ZMAT4: variants seen among roughly 807,000 people sequenced by gnomAD.
The protein encoded by ZMAT4 is zinc finger matrin-type protein 4.
Under a neutral mutation model 28.7 loss-of-function variants are expected in ZMAT4, and 17 were observed. The ratio of observed to expected loss-of-function variants is 0.59; its 90% confidence interval spans 0.41 to 0.89. ZMAT4 has a LOEUF of 0.89. Among genes scored for constraint, ZMAT4 ranks in the 40% least tolerant of loss-of-function variants. The probability of loss-of-function intolerance (pLI) is 0.00; values close to 1 mark genes in which losing one functional copy is unlikely to be tolerated. For synonymous variants in ZMAT4, 117 were observed against 109.2 expected, an observed-to-expected ratio of 1.07 and a Z score of -0.44; for missense variants, 240 against 283.8, an observed-to-expected ratio of 0.85 and a Z score of 1.11.
chr8:40,863,806 T>C (rs184010353), intron 1 of ZMAT4, among the ~76,000 whole-genome samples: 154 of 152,314 alleles, frequency 1.0e-3, no homozygotes, highest in African/African-American at 3.7e-3. Flanking sequence ...GTGAAAATCA[T>C]TATGTCAGAA....
chr8:40,556,376 A>G (rs1300170960), intron 6 of ZMAT4, among the ~76,000 whole-genome samples: 2 of 152,162 alleles, frequency 1.3e-5, no homozygotes, highest in East Asian at 1.9e-4. Context: ...TCAAACGAGC[A>G]TTTCCTCCTT....
intron 6 of ZMAT4, among the ~76,000 whole-genome samples, chr8:40,574,625 C>T (rs1460152373): frequency 6.6e-6 from 1 of 152,138 alleles, no homozygotes; most frequent in Non-Finnish European, 1.5e-5. Flanking sequence ...TGTTGATGTA[C>T]AGCAAAAAAT....
chr8:40,869,777 A>T (rs1817789933), intron 1 of ZMAT4, among the ~76,000 whole-genome samples: 1 of 152,324 alleles, frequency 6.6e-6, no homozygotes, highest in Middle Eastern at 3.4e-3. Context: ...GCAACTGAAG[A>T]ACGATGCATG....
chr8:40,870,382 G>C (rs974499646), intron 1 of ZMAT4, among the ~76,000 whole-genome samples: 6 of 152,158 alleles, frequency 3.9e-5, no homozygotes, highest in African/African-American at 1.4e-4. Flanking sequence ...GTGTATGCAT[G>C]TAATTAAAAT....
intron 1 of ZMAT4, among the ~76,000 whole-genome samples, chr8:40,835,433 C>T (rs1320837500): frequency 1.3e-5 from 2 of 152,190 alleles, no homozygotes; most frequent in African/African-American, 2.4e-5. Context: ...TACGTGGGTC[C>T]CCCCACTTTG....
At chr8:40,849,153 A>G (rs1475746856) in intron 1 of ZMAT4, among the ~76,000 whole-genome samples, 4 of 152,224 alleles carry the variant, frequency 2.6e-5, no homozygotes, top group Non-Finnish European at 5.9e-5. Context: ...TAGCCTGCAA[A>G]TCTAGGAACA....
At chr8:40,641,687 A>G (rs1322774617) in intron 5 of ZMAT4, among the ~76,000 whole-genome samples, 1 of 152,084 alleles carries the variant, frequency 6.6e-6, no homozygotes. Context: ...TATTCTTATT[A>G]TTTTAATTGT....
intron 5 of ZMAT4, among the ~76,000 whole-genome samples, chr8:40,624,831 G>A (rs1806313994): frequency 6.6e-6 from 1 of 152,198 alleles, no homozygotes; most frequent in African/African-American, 2.4e-5. Flanking sequence ...CCCACAGCCA[G>A]GCACTGATCC....
At chr8:40,746,761 C>G (rs1812255476) in intron 3 of ZMAT4, among the ~76,000 whole-genome samples, 1 of 152,112 alleles carries the variant, frequency 6.6e-6, no homozygotes. Flanking sequence ...TGGCTCCTAC[C>G]ATATTGGTCA....
At chr8:40,573,535 T>G (rs1029116562) in intron 6 of ZMAT4, among the ~76,000 whole-genome samples, 1 of 152,202 alleles carries the variant, frequency 6.6e-6, no homozygotes, top group Non-Finnish European at 1.5e-5. Context: ...TTTCGGATGA[T>G]TTCATCTTGA....
chr8:40,879,134 T>C (rs1298328983), intron 1 of ZMAT4, among the ~76,000 whole-genome samples: 1 of 152,184 alleles, frequency 6.6e-6, no homozygotes, highest in African/African-American at 2.4e-5. Context: ...CCAAAATATT[T>C]GTTTCAGCCG....
chr8:40,818,473 A>G (rs1271853452), intron 2 of ZMAT4, among the ~76,000 whole-genome samples: 4 of 152,242 alleles, frequency 2.6e-5, no homozygotes, highest in Non-Finnish European at 5.9e-5. Context: ...TTACGAAGAT[A>G]TTACCCTGGA....
At chr8:40,669,990 G>A (rs1808600602) in intron 5 of ZMAT4, among the ~76,000 whole-genome samples, 1 of 152,136 alleles carries the variant, frequency 6.6e-6, no homozygotes, top group South Asian at 2.1e-4. Flanking sequence ...TCCCAAATTG[G>A]TCTATAGCCT....
chr8:40,889,989 C>G (rs1320397745), intron 1 of ZMAT4, among the ~76,000 whole-genome samples: 3 of 152,188 alleles, frequency 2.0e-5, no homozygotes, highest in African/African-American at 7.2e-5. Flanking sequence ...CCCAGCAACA[C>G]TGGATATTAC....
chr8:40,669,131 A>G (rs977527685), intron 5 of ZMAT4, among the ~76,000 whole-genome samples: 1 of 152,102 alleles, frequency 6.6e-6, no homozygotes, highest in Non-Finnish European at 1.5e-5. Context: ...CAGACACTAC[A>G]CCAGAGGAAT....
chr8:40,545,586 G>T (rs1183935045), intron 6 of ZMAT4, among the ~76,000 whole-genome samples: 1 of 152,054 alleles, frequency 6.6e-6, no homozygotes, highest in African/African-American at 2.4e-5. Context: ...GGACAAATTT[G>T]GGCATAGAAG....
chr8:40,736,850 A>G (rs66522056), intron 3 of ZMAT4, among the ~76,000 whole-genome samples: 64,142 of 151,996 alleles, frequency 0.42, 13,837 homozygotes, highest in Middle Eastern at 0.5. Flanking sequence ...AACAACAGAG[A>G]CGAGGTACTC....
chr8:40,872,993 A>G (rs71519587), intron 1 of ZMAT4, among the ~76,000 whole-genome samples: 162 of 152,260 alleles, frequency 1.1e-3, no homozygotes, highest in Non-Finnish European at 2.0e-3. Flanking sequence ...ATTCTAAATA[A>G]TCAGGGCTTG....
In ZMAT4 at chr8:40,542,475, A is replaced by G. The variant is rs567035089; in HGVS notation, c.675-10237T>C. Among the ~76,000 whole-genome samples the G allele has an allele frequency of 9.6e-4, 146 of 152,120 alleles. 3 individuals are homozygous for G. In the South Asian group the frequency reaches 0.03, roughly 31 times the overall value. ...GTGATCATAGCTCACTGCAGTCTCAAACTCCTGGGCTCAAGTGATCCTCCC... is the reference window on the plus strand; with the variant it reads ...GTGATCATAGCTCACTGCAGTCTCAGACTCCTGGGCTCAAGTGATCCTCCC... On this transcript the variant is annotated intron_variant, in intron 6 of 6. Transcript: ENST00000297737.
Sources: gnomAD v4.1 joint callset for allele counts (sites outside exome capture counted in the v4.1 genomes callset) on GRCh38, gnomAD v4.1.1 for gene constraint, MANE v1.5 for transcripts, NCBI Gene and HGNC (gene_info 2026-07-23, HGNC 2026-07-21) for gene names.